The following PTPRT variants were observed in gnomAD, a reference collection of about 807,000 sequenced individuals.
PTPRT encodes protein tyrosine phosphatase receptor type T, also known as receptor-type tyrosine-protein phosphatase T.
PTPRT carries 56 observed loss-of-function variants against 176.8 expected under a neutral mutation model. The ratio of observed to expected loss-of-function variants is 0.32; its 90% CI spans 0.26 to 0.40. The LOEUF is 0.40. Among genes scored for constraint, PTPRT ranks in the 10% least tolerant of loss-of-function variants. The pLI is 1.00. For missense variants in PTPRT, 1,540 were observed against 1,908.2 expected, an observed-to-expected ratio of 0.81 and a Z score of 3.60; for synonymous variants, 783 against 739.0, an observed-to-expected ratio of 1.06 and a Z score of -0.96.
chr20:42,187,428 C>A (rs1990824823), intron 16 of PTPRT, among the ~76,000 whole-genome samples: 1 of 152,118 alleles, frequency 6.6e-6, no homozygotes, highest in African/African-American at 2.4e-5. Context: ...GAACCCTTTT[C>A]AAAATTATGT....
intron 6 of PTPRT, among the ~76,000 whole-genome samples, chr20:42,717,492 A>G (rs964245996): frequency 3.9e-5 from 6 of 152,174 alleles, no homozygotes; most frequent in Non-Finnish European, 5.9e-5. Context: ...TAGTATCTAT[A>G]TAACACTTTA....
chr20:42,635,944 A>G (rs2074588003), intron 7 of PTPRT, among the ~76,000 whole-genome samples: 1 of 152,168 alleles, frequency 6.6e-6, no homozygotes, highest in Non-Finnish European at 1.5e-5. Context: ...TATAACTCAT[A>G]AGAACTAATT....
chr20:43,074,622 T>G (rs1190223557), intron 1 of PTPRT, among the ~76,000 whole-genome samples: 1 of 152,214 alleles, frequency 6.6e-6, no homozygotes, highest in African/African-American at 2.4e-5. Flanking sequence ...GAGCCTAAAT[T>G]TGGTCCTAAT....
chr20:42,224,222 A>G (rs1185472743), intron 15 of PTPRT, among the ~76,000 whole-genome samples: 1 of 152,212 alleles, frequency 6.6e-6, no homozygotes, highest in Admixed American at 6.5e-5. Flanking sequence ...ATTTCTGAGG[A>G]GATAATCATG....
At chr20:42,607,931 G>T (rs989662105) in intron 7 of PTPRT, among the ~76,000 whole-genome samples, 1 of 152,170 alleles carries the variant, frequency 6.6e-6, no homozygotes, top group Non-Finnish European at 1.5e-5. Flanking sequence ...CAGCTCATAA[G>T]GGCATCCTCA....
intron 7 of PTPRT, among the ~76,000 whole-genome samples, chr20:42,527,138 T>C (rs1223043144): frequency 6.6e-6 from 1 of 151,948 alleles, no homozygotes; most frequent in Admixed American, 6.5e-5. Context: ...TAATTTTTTG[T>C]ATTTTTAGTA....
intron 7 of PTPRT, among the ~76,000 whole-genome samples, chr20:42,514,073 T>C (rs1260971276): frequency 6.6e-6 from 1 of 152,218 alleles, no homozygotes; most frequent in Non-Finnish European, 1.5e-5. Flanking sequence ...TTTTAGCTTG[T>C]ACAAACAAAT....
intron 2 of PTPRT, among the ~76,000 whole-genome samples, chr20:42,813,409 T>C (rs891110778): frequency 2.0e-5 from 3 of 150,084 alleles, no homozygotes; most frequent in African/African-American, 7.3e-5. Flanking sequence ...CCTTGCCCCC[T>C]CCCTTCCTCT....
At chr20:43,056,214 T>C (rs1377260894) in intron 1 of PTPRT, among the ~76,000 whole-genome samples, 5 of 152,094 alleles carry the variant, frequency 3.3e-5, no homozygotes, top group African/African-American at 1.2e-4. Flanking sequence ...CACCAAAGAA[T>C]TGTGGTGTCC....
chr20:42,342,078 C>G (rs939102587), intron 11 of PTPRT, among the ~76,000 whole-genome samples: 1 of 152,188 alleles, frequency 6.6e-6, no homozygotes, highest in African/African-American at 2.4e-5. Flanking sequence ...TGTCACCTTT[C>G]TTCCCTTTTG....
intron 4 of PTPRT, among the ~76,000 whole-genome samples, chr20:42,774,014 C>A (rs1026259523): frequency 7.2e-5 from 11 of 152,342 alleles, no homozygotes; most frequent in African/African-American, 2.6e-4. Flanking sequence ...TGCCTTGATT[C>A]TTTCATCTTC....
chr20:42,178,215 C>T (rs1294639336), intron 16 of PTPRT, among the ~76,000 whole-genome samples: 2 of 152,126 alleles, frequency 1.3e-5, no homozygotes, highest in East Asian at 3.9e-4. Flanking sequence ...GGATTACAAG[C>T]GAGAGCCACC....
At position 43,037,082 on chromosome 20, in the gene PTPRT, C is replaced by T. The variant is rs143678919; in HGVS notation, c.89-151150G>A. Reference sequence around the variant, plus strand: ...ACTAGGTGAATTGCCAAATTCAATTCTTCTTTCATTCTGCAAATATTCATT... The same window carrying T: ...ACTAGGTGAATTGCCAAATTCAATTTTTCTTTCATTCTGCAAATATTCATT... On this transcript the variant is annotated intron_variant, in intron 1 of 30. Transcript: ENST00000373187. Among the ~76,000 whole-genome samples, 37 of 152,304 alleles carry T rather than the reference C, an allele frequency of 2.4e-4. No homozygotes were observed. The East Asian group carries it at 5.8e-3, about 24-fold the overall frequency.
intron 1 of PTPRT, among the ~76,000 whole-genome samples, chr20:42,991,788 A>T (rs1319660835): frequency 6.6e-6 from 1 of 152,234 alleles, no homozygotes; most frequent in African/African-American, 2.4e-5. Flanking sequence ...ATATAAGCAT[A>T]TCTGATTCCT....
chr20:42,250,522 T>C (rs963748814), intron 13 of PTPRT, among the ~76,000 whole-genome samples: 1 of 152,060 alleles, frequency 6.6e-6, no homozygotes. Context: ...GAGCATTAAG[T>C]GTTTCCTCTC....
At chr20:42,790,090 C>G (rs2077350190) in intron 3 of PTPRT, among the ~76,000 whole-genome samples, 1 of 152,196 alleles carries the variant, frequency 6.6e-6, no homozygotes, top group African/African-American at 2.4e-5. Context: ...GTGTATCTTA[C>G]TAGGATGATG....
chr20:42,467,866 AAGGAGTAC>A (rs1339032012), intron 8 of PTPRT, among the ~76,000 whole-genome samples: 1 of 152,176 alleles, frequency 6.6e-6, no homozygotes, highest in Non-Finnish European at 1.5e-5. Flanking sequence ...TCTTGGGCTA[AAGGAGTAC>A]AGGAGCCACT....
chr20:42,382,583 G>A (rs1280460306), intron 9 of PTPRT, among the ~76,000 whole-genome samples: 1 of 152,152 alleles, frequency 6.6e-6, no homozygotes, highest in Non-Finnish European at 1.5e-5. Flanking sequence ...CATGGAGATG[G>A]GTGCTAGGTC....
At chr20:42,756,994 G>A (rs905703987) in intron 5 of PTPRT, among the ~76,000 whole-genome samples, 1 of 149,596 alleles carries the variant, frequency 6.7e-6, no homozygotes, top group African/African-American at 2.5e-5. Context: ...AGGTTGCAGT[G>A]AGCCATGATC....
Sources: gnomAD v4.1 joint callset for allele counts (sites outside exome capture counted in the v4.1 genomes callset) on GRCh38, gnomAD v4.1.1 for gene constraint, MANE v1.5 for transcripts, NCBI Gene and HGNC (gene_info 2026-07-23, HGNC 2026-07-21) for gene names.